The following FAM178B variants were observed in gnomAD, a reference collection of about 807,000 sequenced individuals.
FAM178B encodes the protein family with sequence similarity 178 member B.
In FAM178B, 82 loss-of-function variants were observed where a neutral mutation model predicts 91.7. That is an observed-to-expected ratio of 0.89 (90% confidence interval 0.75 to 1.07). The LOEUF (loss-of-function observed/expected upper bound fraction) is 1.07, where lower values mean the gene tolerates loss of function less well. Among genes scored for constraint, FAM178B ranks in the 50% least tolerant of loss-of-function variants. The pLI, the probability that FAM178B is intolerant of heterozygous loss-of-function variation, is 0.00. For missense variants in FAM178B, 769 were observed against 846.7 expected, an observed-to-expected ratio of 0.91 and a Z score of 1.14; for synonymous variants, 368 against 359.4, an observed-to-expected ratio of 1.02 and a Z score of -0.27.
At chr2:96,895,217 T>A in intron 13 of FAM178B, 1 of 735,360 alleles carries the variant, frequency 1.4e-6, no homozygotes, top group Non-Finnish European at 2.0e-6. Flanking sequence ...GATAAGGATT[T>A]CCCCCCAATC....
intron 9 of FAM178B, among the ~76,000 whole-genome samples, chr2:96,928,793 G>C (rs140052320): frequency 1.7e-4 from 26 of 152,198 alleles, no homozygotes; most frequent in African/African-American, 5.8e-4. Flanking sequence ...GGGGGTGTGT[G>C]GTTGTTCTGT....
At chr2:96,885,960 T>C (rs1384568746) in intron 14 of FAM178B, among the ~76,000 whole-genome samples, 1 of 152,160 alleles carries the variant, frequency 6.6e-6, no homozygotes, top group East Asian at 1.9e-4. Flanking sequence ...GGGCGTTGCA[T>C]AACCACCTGA....
At chr2:96,941,627 G>A (rs765472188) in intron 8 of FAM178B, among the ~76,000 whole-genome samples, 5 of 152,116 alleles carry the variant, frequency 3.3e-5, no homozygotes, top group African/African-American at 4.8e-5. Flanking sequence ...TGAACGTCTC[G>A]CCCACTTTCA....
At chr2:96,895,797 C>T (rs1238032620) in intron 13 of FAM178B, among the ~76,000 whole-genome samples, 1 of 152,254 alleles carries the variant, frequency 6.6e-6, no homozygotes, top group Non-Finnish European at 1.5e-5. Flanking sequence ...CTTAGCCTGG[C>T]TGGCACACCT....
At chr2:96,902,315 A>G (rs577297973) in intron 13 of FAM178B, among the ~76,000 whole-genome samples, 1 of 151,820 alleles carries the variant, frequency 6.6e-6, no homozygotes, top group South Asian at 2.1e-4. Context: ...CGTGTTAGCC[A>G]GGATGGTCTT....
At chr2:96,948,962 CT>C (rs1363813308) in intron 7 of FAM178B, among the ~76,000 whole-genome samples, 29 of 152,344 alleles carry the variant, frequency 1.9e-4, no homozygotes, top group Non-Finnish European at 4.1e-4. Context: ...CCCAGTAAGC[CT>C]GCGTGGATGC....
chr2:96,888,781 T>C (rs907006137), intron 14 of FAM178B, among the ~76,000 whole-genome samples: 15 of 152,184 alleles, frequency 9.9e-5, no homozygotes, highest in Non-Finnish European at 1.3e-4. Context: ...GGCCACACCC[T>C]CTGCAGAACA....
At chr2:96,896,866 G>C (rs1166677688) in intron 13 of FAM178B, among the ~76,000 whole-genome samples, 2 of 152,090 alleles carry the variant, frequency 1.3e-5, no homozygotes, top group Non-Finnish European at 2.9e-5. Flanking sequence ...GTTCCCATCT[G>C]TCTGCCTATC....
At chr2:96,968,731 G>A (rs2082178773) in intron 4 of FAM178B, among the ~76,000 whole-genome samples, 1 of 152,050 alleles carries the variant, frequency 6.6e-6, no homozygotes, top group Admixed American at 6.6e-5. Flanking sequence ...TCACTGTCCT[G>A]CTCTTGCCCT....
chr2:96,913,680 T>C (rs1234896209), intron 12 of FAM178B, among the ~76,000 whole-genome samples: 2 of 152,194 alleles, frequency 1.3e-5, no homozygotes, highest in Non-Finnish European at 2.9e-5. Context: ...ACACAGAACC[T>C]GCTTGGCTGG....
intron 14 of FAM178B, among the ~76,000 whole-genome samples, chr2:96,879,116 A>T (rs1425401120): frequency 6.6e-6 from 1 of 152,142 alleles, no homozygotes; most frequent in African/African-American, 2.4e-5. Context: ...CACTTATGGG[A>T]TACGTGCTTG....
At chr2:96,909,309 G>A (rs577250608) in intron 12 of FAM178B, among the ~76,000 whole-genome samples, 16 of 152,164 alleles carry the variant, frequency 1.1e-4, no homozygotes, top group African/African-American at 2.7e-4. Flanking sequence ...TTCATTTACC[G>A]GACTAACCAA....
At chr2:96,975,569 C>T (rs539357591) in intron 1 of FAM178B, among the ~76,000 whole-genome samples, 1 of 152,228 alleles carries the variant, frequency 6.6e-6, no homozygotes, top group African/African-American at 2.4e-5. Flanking sequence ...TCAAAACATT[C>T]CAATTATTCT....
intron 13 of FAM178B, chr2:96,898,267 A>C: frequency 3.5e-6 from 1 of 287,034 alleles, no homozygotes; most frequent in Non-Finnish European, 5.2e-6. Flanking sequence ...GCACTTCACC[A>C]TGAAGTGGCG....
intron 12 of FAM178B, among the ~76,000 whole-genome samples, chr2:96,916,639 C>T (rs2081245478): frequency 6.6e-6 from 1 of 152,186 alleles, no homozygotes; most frequent in African/African-American, 2.4e-5. Context: ...GGATGTTCCT[C>T]CAAGAACCTC....
At chr2:96,899,713 G>A (rs944319621) in intron 13 of FAM178B, among the ~76,000 whole-genome samples, 2 of 151,954 alleles carry the variant, frequency 1.3e-5, no homozygotes, top group African/African-American at 4.8e-5. Context: ...GGAACTAGAG[G>A]CACATGCCAC....
At chr2:96,896,398 C>A (rs761061801) in intron 13 of FAM178B, among the ~76,000 whole-genome samples, 5 of 152,196 alleles carry the variant, frequency 3.3e-5, no homozygotes, top group African/African-American at 7.2e-5. Flanking sequence ...GCCTCTCCCC[C>A]ACACACAAAC....
intron 14 of FAM178B, among the ~76,000 whole-genome samples, chr2:96,881,778 G>A (rs918889865): frequency 3.3e-5 from 5 of 152,064 alleles, no homozygotes; most frequent in South Asian, 2.1e-4. Flanking sequence ...AAACTATTCC[G>A]AGTGTTTGGG....
chr2:96,905,818 G>GTGTA (rs1260782317), intron 12 of FAM178B, among the ~76,000 whole-genome samples: 28 of 34,196 alleles, frequency 8.2e-4, no homozygotes, highest in African/African-American at 1.5e-3. Context: ...ATATATGTGT[G>GTGTA]TATATATATA....
Sources: gnomAD v4.1 joint callset for allele counts (sites outside exome capture counted in the v4.1 genomes callset) on GRCh38, gnomAD v4.1.1 for gene constraint, MANE v1.5 for transcripts, NCBI Gene and HGNC (gene_info 2026-07-23, HGNC 2026-07-21) for gene names.